The following REEP5 variants were observed in gnomAD, a reference collection of about 807,000 sequenced individuals.
REEP5 encodes receptor accessory protein 5.
REEP5 carries 24 observed loss-of-function variants against 22.4 expected under a neutral mutation model. The ratio of observed to expected loss-of-function variants is 1.07; its 90% CI spans 0.78 to 1.51. The LOEUF is 1.51. Ranked by LOEUF, REEP5 falls within the 40% of genes most tolerant of loss-of-function variation. REEP5 has a pLI of 0.00. For synonymous variants in REEP5, 103 were observed against 88.6 expected, an observed-to-expected ratio of 1.16 and a Z score of -0.92; for missense variants, 252 against 233.0, an observed-to-expected ratio of 1.08 and a Z score of -0.53.
intron 4 of REEP5, among the ~76,000 whole-genome samples, chr5:112,881,146 A>G (rs1487167265): frequency 1.3e-5 from 2 of 151,424 alleles, no homozygotes; most frequent in Non-Finnish European, 2.9e-5. Flanking sequence ...AAAAAAAAAA[A>G]AAAAAGCTGG....
At chr5:112,891,999 G>A in intron 3 of REEP5, 1 of 1,282,264 alleles carries the variant, frequency 7.8e-7, no homozygotes, top group Non-Finnish European at 1.1e-6. Context: ...AAGAACAGCA[G>A]AGGAAAGAGA....
chr5:112,903,427 T>A (rs1003992757), intron 2 of REEP5, among the ~76,000 whole-genome samples: 1 of 152,064 alleles, frequency 6.6e-6, no homozygotes, highest in Admixed American at 6.6e-5. Flanking sequence ...TATGGGGACT[T>A]TGGGGAAAGG....
intron 2 of REEP5, among the ~76,000 whole-genome samples, chr5:112,903,576 T>C (rs891673782): frequency 1.3e-5 from 2 of 152,180 alleles, no homozygotes; most frequent in African/African-American, 2.4e-5. Flanking sequence ...CAAAAACCTA[T>C]TGAAATAAAA....
At chr5:112,905,968 A>C (rs573706092) in intron 2 of REEP5, among the ~76,000 whole-genome samples, 3 of 152,344 alleles carry the variant, frequency 2.0e-5, no homozygotes, top group Admixed American at 2.0e-4. Flanking sequence ...AATTCAGTAG[A>C]TAAAAGTGAT....
intron 2 of REEP5, among the ~76,000 whole-genome samples, chr5:112,910,140 T>C (rs1769062225): frequency 6.6e-6 from 1 of 152,126 alleles, no homozygotes; most frequent in Admixed American, 6.5e-5. Context: ...CCGTCTCTAC[T>C]AAAAATACAA....
At chr5:112,912,577 G>A (rs1769128269) in intron 2 of REEP5, among the ~76,000 whole-genome samples, 1 of 152,064 alleles carries the variant, frequency 6.6e-6, no homozygotes, top group South Asian at 2.1e-4. Flanking sequence ...TTTCTAATGT[G>A]GTAACTTATG....
In REEP5 at chr5:112,887,194, A is replaced by G. The variant is rs777034502; in HGVS notation, c.352-11T>C. 14 of 1,570,490 alleles carry G rather than the reference A, an allele frequency of 8.9e-6. No individual in the cohort carries two copies. Among genetic ancestry groups the G allele is most frequent in the Admixed American group, 3.4e-5 (2 of 58,604 alleles). ...CAACAGGAAGCCACACTGCACAGAAAAAGAGCCAGCATGGGTAACAGGAGG... is the reference window on the plus strand; with the variant it reads ...CAACAGGAAGCCACACTGCACAGAAGAAGAGCCAGCATGGGTAACAGGAGG... On this transcript the variant is annotated splice_polypyrimidine_tract_variant and intron_variant, in intron 3 of 4. Coordinates refer to ENST00000379638, the MANE Select transcript of REEP5 (RefSeq NM_005669.5).
At chr5:112,921,328 C>T in intron 1 of REEP5, 72 bp from the exon 2 acceptor site, 4 of 1,423,316 alleles carry the variant, frequency 2.8e-6, no homozygotes, top group Non-Finnish European at 3.9e-6. Flanking sequence ...GCCGCCCACA[C>T]CGCGAGGCTG....
chr5:112,914,716 A>G, intron 2 of REEP5, among the ~76,000 whole-genome samples: 1 of 152,138 alleles, frequency 6.6e-6, no homozygotes, highest in Admixed American at 6.6e-5. Context: ...TAGGTAAAGG[A>G]GGGCCACCTT....
At chr5:112,913,579 A>G (rs970803267) in intron 2 of REEP5, among the ~76,000 whole-genome samples, 2 of 151,012 alleles carry the variant, frequency 1.3e-5, no homozygotes, top group African/African-American at 2.4e-5. Flanking sequence ...ATGAGTCTAT[A>G]GAATACCTAT....
At chr5:112,891,650 T>C (rs1251095008) in intron 3 of REEP5, 1 of 1,608,608 alleles carries the variant, frequency 6.2e-7, no homozygotes, top group Non-Finnish European at 8.5e-7. Context: ...ATGGCTGCAC[T>C]TGAGAAGATG....
intron 3 of REEP5, chr5:112,891,907 G>C (rs776143293): frequency 3.3e-5 from 44 of 1,314,948 alleles, no homozygotes; most frequent in Non-Finnish European, 2.6e-5. Flanking sequence ...GGCACAAGAA[G>C]AATTCAGAAT....
chr5:112,908,093 TGTTTTTTG>T (rs747699646), intron 2 of REEP5, among the ~76,000 whole-genome samples: 2 of 133,332 alleles, frequency 1.5e-5, no homozygotes, highest in African/African-American at 5.8e-5. Context: ...AGACTTTCTT[TGTTTTTTG>T]TTTTTTTTTT....
chr5:112,892,005 A>G (rs771432824), intron 3 of REEP5: 1 of 1,280,952 alleles, frequency 7.8e-7, no homozygotes, highest in Non-Finnish European at 1.1e-6. Flanking sequence ...AGCAGAGGAA[A>G]GAGAGAGAAG....
At chr5:112,898,826 A>G (rs1768772896) in intron 3 of REEP5, among the ~76,000 whole-genome samples, 1 of 152,196 alleles carries the variant, frequency 6.6e-6, no homozygotes, top group Non-Finnish European at 1.5e-5. Context: ...AATAATAAAA[A>G]CAAAAAAATC....
At chr5:112,892,073 T>C in intron 3 of REEP5, 1 of 1,597,518 alleles carries the variant, frequency 6.3e-7, no homozygotes, top group East Asian at 2.2e-5. Context: ...CAGAAGATGC[T>C]GGATCAGGCT....
chr5:112,919,223 T>C (rs1420192121), intron 2 of REEP5, among the ~76,000 whole-genome samples: 1 of 152,120 alleles, frequency 6.6e-6, no homozygotes, highest in Non-Finnish European at 1.5e-5. Flanking sequence ...GTATTAGTAT[T>C]AAATAGTGGT....
chr5:112,905,496 C>A (rs1768934731), intron 2 of REEP5, among the ~76,000 whole-genome samples: 1 of 151,386 alleles, frequency 6.6e-6, no homozygotes, highest in Non-Finnish European at 1.5e-5. Context: ...AGCCGAGATT[C>A]CACCACTGCA....
intron 2 of REEP5, among the ~76,000 whole-genome samples, chr5:112,918,553 GAAGT>G (rs1769281570): frequency 6.6e-6 from 1 of 152,222 alleles, no homozygotes; most frequent in Non-Finnish European, 1.5e-5. Context: ...AGAAAGGAAG[GAAGT>G]AAATTACTGG....
Sources: allele counts gnomAD v4.1 joint callset (sites outside exome capture counted in the v4.1 genomes callset), GRCh38; gene constraint gnomAD v4.1.1; transcripts MANE v1.5; gene names NCBI Gene and HGNC (gene_info 2026-07-23, HGNC 2026-07-21).